The following LPP variants were observed in gnomAD, a reference collection of about 807,000 sequenced individuals.
The protein encoded by LPP is lipoma-preferred partner.
In LPP, 38 loss-of-function variants were observed where a neutral mutation model predicts 60.4. The observed-to-expected ratio is 0.63, with a 90% CI of 0.49 to 0.83. The LOEUF (loss-of-function observed/expected upper bound fraction) is 0.83, where lower values mean the gene tolerates loss of function less well. Ranked by LOEUF, LPP falls within the 40% of genes least tolerant of loss-of-function variation. LPP has a pLI of 0.00. For synonymous variants in LPP, 328 were observed against 290.8 expected, an observed-to-expected ratio of 1.13 and a Z score of -1.30; for missense variants, 902 against 783.6, an observed-to-expected ratio of 1.15 and a Z score of -1.80.
At chr3:188,405,197 G>T (rs1443947353) in intron 3 of LPP, among the ~76,000 whole-genome samples, 1 of 152,138 alleles carries the variant, frequency 6.6e-6, no homozygotes, top group Non-Finnish European at 1.5e-5. Context: ...AGACGTTGGG[G>T]CAACCAATAT....
At chr3:188,576,192 A>C (rs1359089581) in intron 6 of LPP, among the ~76,000 whole-genome samples, 1 of 152,154 alleles carries the variant, frequency 6.6e-6, no homozygotes, top group Non-Finnish European at 1.5e-5. Flanking sequence ...CACACTTCTA[A>C]TAGGGCAGGA....
chr3:188,733,291 G>A (rs1299320455), intron 8 of LPP, among the ~76,000 whole-genome samples: 1 of 14,272 alleles, frequency 7.0e-5, no homozygotes, highest in African/African-American at 2.4e-4. Context: ...CACCAAAAAC[G>A]TGTGTGTGTG....
intron 4 of LPP, among the ~76,000 whole-genome samples, chr3:188,415,690 C>T (rs1415827867): frequency 7.2e-6 from 1 of 139,232 alleles, no homozygotes; most frequent in East Asian, 2.2e-4. Context: ...CGAAAGGTTA[C>T]ATGTATTATA....
chr3:188,810,417 A>G (rs1750560835), intron 9 of LPP, among the ~76,000 whole-genome samples: 2 of 152,080 alleles, frequency 1.3e-5, no homozygotes, highest in Admixed American at 6.5e-5. Flanking sequence ...AAAATAGGTG[A>G]CTACATTACA....
In LPP at chr3:188,406,381, TA is replaced by T. The variant is rs562821034; in HGVS notation, c.193+69del. On this transcript the variant is annotated intron_variant, in intron 4 of 11. Transcript: ENST00000617246. ...ATTCAGTTATATAGGTGATTTGTAG[TA>T]CAAAGTTGTGTCAGAAAAACGTAGT... 1,686 of 1,388,982 alleles carry T rather than the reference TA, an allele frequency of 1.2e-3. 16 individuals are homozygous for T. The African/African-American group carries it at 0.021, about 17-fold the overall frequency. 86.0% of individuals were successfully genotyped at this position (1,388,982 alleles called of 1,614,324 possible). A position where few individuals can be genotyped will look rare whatever the true frequency, so the allele number is the denominator to read the frequency against.
chr3:188,323,086 C>G (rs956320567), intron 2 of LPP, among the ~76,000 whole-genome samples: 1 of 152,160 alleles, frequency 6.6e-6, no homozygotes. Flanking sequence ...AAAGCTTGGA[C>G]TAAAAGCGCT....
chr3:188,318,434 A>T (rs1322744135), intron 2 of LPP, among the ~76,000 whole-genome samples: 1 of 151,258 alleles, frequency 6.6e-6, no homozygotes, highest in Non-Finnish European at 1.5e-5. Flanking sequence ...AAAAAAAGAA[A>T]AACAAAACTC....
At chr3:188,695,651 A>C (rs901148831) in intron 7 of LPP, among the ~76,000 whole-genome samples, 2 of 152,184 alleles carry the variant, frequency 1.3e-5, no homozygotes, top group Admixed American at 1.3e-4. Flanking sequence ...GGAACAAAAA[A>C]CTTGTGAAAT....
intron 1 of LPP, among the ~76,000 whole-genome samples, chr3:188,219,077 TG>T (rs891235238): frequency 9.8e-5 from 7 of 71,282 alleles, no homozygotes; most frequent in East Asian, 4.0e-4. Context: ...AGGGGCGGGG[TG>T]GGGGGGATTT....
At chr3:188,485,273 C>T (rs1806014460) in intron 5 of LPP, among the ~76,000 whole-genome samples, 1 of 152,044 alleles carries the variant, frequency 6.6e-6, no homozygotes, top group Non-Finnish European at 1.5e-5. Context: ...CAAAGTAACT[C>T]GGGGCTGGGA....
At chr3:188,557,006 G>T (rs2150598852) in intron 6 of LPP, among the ~76,000 whole-genome samples, 1 of 152,074 alleles carries the variant, frequency 6.6e-6, no homozygotes, top group South Asian at 2.1e-4. Context: ...ACCTTTTAAA[G>T]TGATCCTGAG....
chr3:188,420,615 C>CT (rs1352302180), intron 4 of LPP, among the ~76,000 whole-genome samples: 1 of 151,994 alleles, frequency 6.6e-6, no homozygotes, highest in Non-Finnish European at 1.5e-5. Flanking sequence ...GCGTGTATGT[C>CT]TTTTTTAGGG....
chr3:188,768,308 G>A (rs535989657), intron 9 of LPP, among the ~76,000 whole-genome samples: 10 of 152,246 alleles, frequency 6.6e-5, no homozygotes, highest in African/African-American at 1.9e-4. Context: ...TAAAGCTAGC[G>A]TGCTCCCAAT....
intron 2 of LPP, among the ~76,000 whole-genome samples, chr3:188,268,165 G>A (rs1736299455): frequency 6.6e-6 from 1 of 151,774 alleles, no homozygotes; most frequent in Admixed American, 6.6e-5. Flanking sequence ...TGACCTTTGT[G>A]ACCACGCTTT....
chr3:188,292,434 A>G (rs1746316688), intron 2 of LPP, among the ~76,000 whole-genome samples: 1 of 152,234 alleles, frequency 6.6e-6, no homozygotes, highest in Non-Finnish European at 1.5e-5. Context: ...CATGACTCAA[A>G]CATCTAGTTC....
At chr3:188,276,894 CTTTTTTTTTTTTTT>C (rs1203656488) in intron 2 of LPP, among the ~76,000 whole-genome samples, 2 of 38,204 alleles carry the variant, frequency 5.2e-5, no homozygotes, top group East Asian at 1.2e-3. Flanking sequence ...CTTTTCTTTT[CTTTTTTTTTTTTTT>C]TTTTTTTTTT....
At chr3:188,772,805 A>G (rs1211079990) in intron 9 of LPP, among the ~76,000 whole-genome samples, 1 of 151,850 alleles carries the variant, frequency 6.6e-6, no homozygotes, top group African/African-American at 2.4e-5. Flanking sequence ...CTGCTCTGAT[A>G]GTGAGGGGGA....
intron 3 of LPP, among the ~76,000 whole-genome samples, chr3:188,368,682 TCACACACACACA>T (rs1289084950): frequency 4.6e-4 from 59 of 129,508 alleles, no homozygotes; most frequent in African/African-American, 1.5e-3. Flanking sequence ...ACACACACTC[TCACACACACACA>T]CACACACACA....
intron 4 of LPP, among the ~76,000 whole-genome samples, chr3:188,462,587 CATGTGTGTGT>C (rs370441638): frequency 0.046 from 1,990 of 43,164 alleles, 146 homozygotes; most frequent in South Asian, 0.051. Context: ...TATATATATG[CATGTGTGTGT>C]GTGTGTGTGT....
Sources: gnomAD v4.1 joint callset for allele counts (sites outside exome capture counted in the v4.1 genomes callset) on GRCh38, gnomAD v4.1.1 for gene constraint, MANE v1.5 for transcripts, NCBI Gene and HGNC (gene_info 2026-07-23, HGNC 2026-07-21) for gene names.